SPATS2L: variants seen among roughly 807,000 people sequenced by gnomAD.
The protein encoded by SPATS2L is SPATS2-like protein.
Under a neutral mutation model 59.6 loss-of-function variants are expected in SPATS2L, and 30 were observed. That is an observed-to-expected ratio of 0.50 (90% CI 0.38 to 0.68). SPATS2L has a LOEUF of 0.68. SPATS2L is among the 30% of genes least tolerant of loss of function. The pLI, the probability that SPATS2L is intolerant of heterozygous loss-of-function variation, is 0.00. For synonymous variants in SPATS2L, 252 were observed against 263.5 expected (o/e 0.96, Z 0.42); for missense variants, 615 against 700.0 (o/e 0.88, Z 1.37).
At chr2:200,451,391 A>T (rs1346684212) in intron 8 of SPATS2L, among the ~76,000 whole-genome samples, 1 of 152,164 alleles carries the variant, frequency 6.6e-6, no homozygotes, top group Non-Finnish European at 1.5e-5. Flanking sequence ...TTTTAAGCAC[A>T]TCCCTCTCAA....
intron 11 of SPATS2L, 106 bp from the exon 12 acceptor site, chr2:200,472,726 G>T (rs1217191595): frequency 3.1e-6 from 3 of 954,344 alleles, no homozygotes; most frequent in East Asian, 2.4e-5. Context: ...TAATGTTTTT[G>T]TGGAGCTCCT....
At chr2:200,451,184 G>A (rs968891813) in intron 8 of SPATS2L, among the ~76,000 whole-genome samples, 3 of 151,306 alleles carry the variant, frequency 2.0e-5, no homozygotes, top group Non-Finnish European at 1.5e-5. Flanking sequence ...AGCTGGGTAT[G>A]GTGGTGTAGA....
chr2:200,470,907 C>T (rs1216836774), intron 11 of SPATS2L, among the ~76,000 whole-genome samples: 1 of 152,178 alleles, frequency 6.6e-6, no homozygotes, highest in African/African-American at 2.4e-5. Context: ...AGATTGCTTG[C>T]AGTTTTTCAC....
intron 2 of SPATS2L, among the ~76,000 whole-genome samples, chr2:200,374,535 C>G (rs1256094109): frequency 6.6e-6 from 1 of 151,994 alleles, no homozygotes; most frequent in African/African-American, 2.4e-5. Context: ...ATATACACCC[C>G]CACCAAGAAT....
rs115756013 is a variant in SPATS2L, at chr2:200,311,050, G to A, written c.-73+4128G>A. On this transcript the variant is annotated intron_variant, in intron 1 of 12. Coordinates refer to ENST00000409140, the MANE Select transcript of SPATS2L (RefSeq NM_001100423.2). ...TTTATTCTGTCTACCGGCCCTGGCC[G>A]TAAGAAGCACTTGATAAATACACCG... Among the ~76,000 whole-genome samples, 1,403 of 152,292 alleles carry A rather than the reference G, an allele frequency of 9.2e-3. 31 individuals are homozygous for A. The highest frequency in any genetic ancestry group is 0.032 in the African/African-American group (1,329 of 41,542).
chr2:200,332,307 C>T (rs925142027), intron 2 of SPATS2L, among the ~76,000 whole-genome samples: 1 of 151,770 alleles, frequency 6.6e-6, no homozygotes, highest in African/African-American at 2.4e-5. Flanking sequence ...TGCAGTGGCG[C>T]CAACACAGCT....
chr2:200,327,098 A>G (rs1328984186), intron 1 of SPATS2L, among the ~76,000 whole-genome samples: 1 of 151,424 alleles, frequency 6.6e-6, no homozygotes, highest in Non-Finnish European at 1.5e-5. Flanking sequence ...ATATTTAACC[A>G]TCCTATTAAA....
Position 200,306,774 on chromosome 2 carries a change from T to A in SPATS2L, c.-221T>A. 4.1e-6 allele frequency: 4 copies of A among 981,618 alleles called. No homozygotes were observed. The highest frequency in any genetic ancestry group is 4.8e-6 in the Non-Finnish European group (4 of 828,306). 60.8% of individuals were successfully genotyped at this position (981,618 alleles called of 1,614,324 possible). A position where few individuals can be genotyped will look rare whatever the true frequency, so the allele number is the denominator to read the frequency against. On this transcript the variant is annotated 5_prime_UTR_variant, in exon 1 of 13. Transcript: ENST00000409140. ...CAAGCGCCGGCAGCGCGGGGCGAGCTCCGGACGGCGCGCGGCCCAGGCAGC... is the reference window on the plus strand; with the variant it reads ...CAAGCGCCGGCAGCGCGGGGCGAGCACCGGACGGCGCGCGGCCCAGGCAGC...
chr2:200,344,292 C>T (rs2080434795), intron 2 of SPATS2L, among the ~76,000 whole-genome samples: 1 of 152,156 alleles, frequency 6.6e-6, no homozygotes. Flanking sequence ...CATCATTTAG[C>T]TCCCACTTAT....
intron 3 of SPATS2L, among the ~76,000 whole-genome samples, chr2:200,391,973 G>T (rs966803428): frequency 2.3e-4 from 35 of 152,030 alleles, no homozygotes; most frequent in African/African-American, 8.5e-4. Flanking sequence ...CTTAAAAATC[G>T]ATGCAAAATT....
chr2:200,449,776 A>G lies in SPATS2L; in HGVS notation c.788+8992A>G, dbSNP rs1298851909. 2.6e-5 allele frequency among the ~76,000 whole-genome samples: 4 copies of G among 152,212 alleles called. No homozygotes were observed. In the East Asian group the frequency reaches 5.8e-4, roughly 22 times the overall value. ...TATAAAATACATTATAATACTAAAAAGTGAGTCCTAAATTACAATTTCAGA... is the reference window on the plus strand; with the variant it reads ...TATAAAATACATTATAATACTAAAAGGTGAGTCCTAAATTACAATTTCAGA... On this transcript the variant is annotated intron_variant, in intron 8 of 12. Coordinates refer to ENST00000409140, the MANE Select transcript of SPATS2L (RefSeq NM_001100423.2).
rs2084515101 is a variant in SPATS2L, at chr2:200,439,180, TG to T, written c.506del (p.Gly169GlufsTer40). ...TAGATGGGAACCCCAAACCTATACA[TG>T]GAACAACAGAGAGGTCAGATGGCCT... The part of the protein sequence containing the change: ...SLDGNPKPIH[G>X]TTERSDGLQW... On this transcript the variant is annotated frameshift_variant, in exon 7 of 13. Coordinates refer to ENST00000409140, the MANE Select transcript of SPATS2L (RefSeq NM_001100423.2). LOFTEE classifies it high-confidence loss of function. 6.2e-7 allele frequency: 1 copy of T among 1,613,600 alleles called. No individual in the cohort carries two copies. The highest frequency in any genetic ancestry group is 1.3e-5 in the African/African-American group (1 of 74,888).
At chr2:200,320,055 G>A (rs561636406) in intron 1 of SPATS2L, among the ~76,000 whole-genome samples, 1 of 152,064 alleles carries the variant, frequency 6.6e-6, no homozygotes, top group South Asian at 2.1e-4. Flanking sequence ...CAAAGATAGG[G>A]CCCTGTGACA....
chr2:200,333,058 G>A (rs549663227), intron 2 of SPATS2L, among the ~76,000 whole-genome samples: 3 of 151,950 alleles, frequency 2.0e-5, no homozygotes, highest in Admixed American at 6.6e-5. Flanking sequence ...AGGCTGGGGG[G>A]TTGTTTGAGC....
chr2:200,307,444 C>T (rs926892175), intron 1 of SPATS2L, among the ~76,000 whole-genome samples: 1 of 151,966 alleles, frequency 6.6e-6, no homozygotes, highest in Non-Finnish European at 1.5e-5. Context: ...CCCCACTGAA[C>T]CCCGCGCCCC....
chr2:200,462,917 C>A (rs1162668607), intron 9 of SPATS2L, among the ~76,000 whole-genome samples: 3 of 151,476 alleles, frequency 2.0e-5, no homozygotes, highest in East Asian at 1.9e-4. Context: ...CGGAGAGAGA[C>A]CCTGTATTAA....
At chr2:200,424,725 G>A (rs1468376682) in intron 6 of SPATS2L, among the ~76,000 whole-genome samples, 1 of 152,048 alleles carries the variant, frequency 6.6e-6, no homozygotes, top group Non-Finnish European at 1.5e-5. Context: ...TACCCCACTG[G>A]ACACAATTCC....
rs1199171892 is a variant in SPATS2L, at chr2:200,481,499, G to A, written c.*3468G>A. 1.3e-5 allele frequency: 2 copies of A among 152,232 alleles called. No homozygotes were observed. Among genetic ancestry groups the A allele is most frequent in the African/African-American group, 4.8e-5 (2 of 41,462 alleles). The allele number at this position is 152,232 out of a possible 1,614,324, so 9.4% of individuals were successfully genotyped here. On this transcript the variant is annotated 3_prime_UTR_variant, in exon 13 of 13. Transcript: ENST00000409140. ...GCAGGCACAGGTCCGCAACCAGATA[G>A]GGAGATGCCTGAATTTCAGGCTACC...
intron 9 of SPATS2L, among the ~76,000 whole-genome samples, chr2:200,463,011 A>T (rs141902630): frequency 6.6e-6 from 1 of 152,016 alleles, no homozygotes; most frequent in East Asian, 1.9e-4. Flanking sequence ...CACGTCAGGC[A>T]CTTAGCACAG....
Sources: gnomAD v4.1 joint callset for allele counts (sites outside exome capture counted in the v4.1 genomes callset) on GRCh38, gnomAD v4.1.1 for gene constraint, MANE v1.5 for transcripts, NCBI Gene and HGNC (gene_info 2026-07-23, HGNC 2026-07-21) for gene names.